Variants in ZNF385D observed in about 807,000 individuals in gnomAD.
ZNF385D encodes the protein zinc finger protein 385D.
A neutral mutation model predicts 35.8 loss-of-function variants in ZNF385D; 15 were observed. That is an observed-to-expected ratio of 0.42 (90% CI 0.28 to 0.64). The LOEUF (loss-of-function observed/expected upper bound fraction) is 0.64. ZNF385D is among the 30% of genes least tolerant of loss of function. The probability of loss-of-function intolerance (pLI) is 0.23; values close to 1 mark genes in which losing one functional copy is unlikely to be tolerated. For synonymous variants in ZNF385D, 212 were observed against 186.8 expected (o/e 1.13, Z -1.10); for missense variants, 474 against 494.6 (o/e 0.96, Z 0.39).
intron 3 of ZNF385D, among the ~76,000 whole-genome samples, chr3:22,090,263 A>G (rs1426793208): frequency 6.6e-6 from 1 of 152,172 alleles, no homozygotes; most frequent in African/African-American, 2.4e-5. Flanking sequence ...ATTTATTCCT[A>G]TGCTTCATTG....
At chr3:21,763,303 GTTC>G (rs1287844559) in intron 3 of ZNF385D, among the ~76,000 whole-genome samples, 1 of 152,070 alleles carries the variant, frequency 6.6e-6, no homozygotes, top group Non-Finnish European at 1.5e-5. Flanking sequence ...CAATCATGAT[GTTC>G]TTCTCTTTCT....
At chr3:21,902,404 C>T (rs1699457168) in intron 3 of ZNF385D, among the ~76,000 whole-genome samples, 1 of 152,044 alleles carries the variant, frequency 6.6e-6, no homozygotes. Flanking sequence ...AGAGATCGAT[C>T]CAGAGGGATG....
intron 2 of ZNF385D, among the ~76,000 whole-genome samples, chr3:22,308,939 A>AT (rs1055525853): frequency 2.0e-5 from 3 of 151,994 alleles, no homozygotes; most frequent in Admixed American, 6.6e-5. Flanking sequence ...TAATTTAGGA[A>AT]TTTTTTTCTA....
rs111369677 is a variant in ZNF385D at position 21,728,279 on chromosome 3, T to TATAATAATAATA, written c.22+22604_22+22615dup. 3.2e-3 allele frequency among the ~76,000 whole-genome samples: 470 copies of TATAATAATAATA among 144,866 alleles called. 2 individuals carry two copies. The highest frequency in any genetic ancestry group is 9.0e-3 in the African/African-American group (356 of 39,384). ...TGCCCATGTATCCCAGAACTTAAAG[T>TATAATAATAATA]ATAATAATAATAATAATAATAATAA... On this transcript the variant is annotated intron_variant, in intron 1 of 7. Coordinates refer to ENST00000281523, the MANE Select transcript of ZNF385D (RefSeq NM_024697.3).
At position 21,808,662 on chromosome 3, in the gene ZNF385D, C is replaced by A. The variant is rs1290289678; in HGVS notation, c.326-143634G>T. Among the ~76,000 whole-genome samples the A allele has an allele frequency of 2.6e-5, 4 of 152,188 alleles. No homozygotes were observed. The East Asian group carries it at 7.7e-4, about 29-fold the overall frequency. ...CCGGAAGGTAATGACAGCAAAGGGGCAAATCACCTCTTTTCCCAACTAGAG... is the reference window on the plus strand; with the variant it reads ...CCGGAAGGTAATGACAGCAAAGGGGAAAATCACCTCTTTTCCCAACTAGAG... On this transcript the variant is annotated intron_variant, in intron 3 of 5. Transcript: ENST00000494108.
chr3:22,121,951 G>C (rs1325885942), intron 3 of ZNF385D, among the ~76,000 whole-genome samples: 1 of 152,010 alleles, frequency 6.6e-6, no homozygotes, highest in African/African-American at 2.4e-5. Flanking sequence ...ATCAAGTCTG[G>C]AGACCCAGCT....
At chr3:21,887,948 C>A (rs1698635487) in intron 3 of ZNF385D, among the ~76,000 whole-genome samples, 1 of 152,034 alleles carries the variant, frequency 6.6e-6, no homozygotes, top group Admixed American at 6.6e-5. Context: ...AATATTAATA[C>A]TTTGTAAAAT....
intron 3 of ZNF385D, among the ~76,000 whole-genome samples, chr3:22,046,242 T>C (rs764067874): frequency 6.0e-5 from 9 of 149,902 alleles, no homozygotes; most frequent in Non-Finnish European, 1.2e-4. Flanking sequence ...TTTTGTAGAT[T>C]AGATAAACTT....
chr3:21,788,678 C>A (rs536313984), intron 3 of ZNF385D, among the ~76,000 whole-genome samples: 1 of 152,068 alleles, frequency 6.6e-6, no homozygotes, highest in African/African-American at 2.4e-5. Context: ...ATTTTTGATT[C>A]GGGGGCATAT....
rs542111388 is a variant in ZNF385D at position 22,010,020 on chromosome 3, A to G, written c.325+158797T>C. 3.9e-5 allele frequency among the ~76,000 whole-genome samples: 6 copies of G among 152,288 alleles called. No individual in the cohort carries two copies. In the South Asian group the frequency reaches 1.0e-3, roughly 26 times the overall value. ...AGGAAATTGAGGAAAACAGGTAAAC[A>G]CAGTCACTTCTGAACTGTTATCAAA... On this transcript the variant is annotated intron_variant, in intron 3 of 5. Coordinates refer to the ZNF385D transcript ENST00000494108.
intron 3 of ZNF385D, among the ~76,000 whole-genome samples, chr3:21,778,016 A>C (rs940745510): frequency 6.6e-6 from 1 of 151,938 alleles, no homozygotes; most frequent in Non-Finnish European, 1.5e-5. Context: ...AGTAATAGAC[A>C]TAATAAGTAA....
At chr3:21,672,483 T>C (rs1382135505) in intron 1 of ZNF385D, among the ~76,000 whole-genome samples, 2 of 152,090 alleles carry the variant, frequency 1.3e-5, no homozygotes, top group African/African-American at 4.8e-5. Flanking sequence ...TCATACATCC[T>C]GCTTATGACC....
intron 3 of ZNF385D, among the ~76,000 whole-genome samples, chr3:21,969,735 T>C (rs916342941): frequency 6.6e-6 from 1 of 152,138 alleles, no homozygotes; most frequent in Non-Finnish European, 1.5e-5. Flanking sequence ...GTAGTCACCA[T>C]AGGCCTTGGG....
At chr3:22,124,300 G>C (rs1394743287) in intron 3 of ZNF385D, among the ~76,000 whole-genome samples, 1 of 152,030 alleles carries the variant, frequency 6.6e-6, no homozygotes, top group African/African-American at 2.4e-5. Flanking sequence ...TTGTGTATAA[G>C]TACCGCATTT....
chr3:21,445,055 C>T lies in ZNF385D; in HGVS notation c.440-7852G>A, dbSNP rs543952691. On this transcript the variant is annotated intron_variant, in intron 4 of 7. Transcript: ENST00000281523. ...AGCACAGAGTCTTGACACGAATTGT[C>T]CAGTCCCCTGAGGAGATAAGTAGGA... Among the ~76,000 whole-genome samples the T allele has an allele frequency of 4.6e-5, 7 of 152,304 alleles. No homozygotes were observed. The South Asian group carries it at 1.5e-3, about 32-fold the overall frequency.
intron 3 of ZNF385D, among the ~76,000 whole-genome samples, chr3:21,847,188 A>T (rs1389070610): frequency 6.6e-6 from 1 of 151,824 alleles, no homozygotes; most frequent in Non-Finnish European, 1.5e-5. Flanking sequence ...GATGAGTCAT[A>T]TATTTTATGA....
chr3:22,006,185 A>C (rs1014797010), intron 3 of ZNF385D, among the ~76,000 whole-genome samples: 1 of 152,090 alleles, frequency 6.6e-6, no homozygotes, highest in Admixed American at 6.5e-5. Flanking sequence ...TTTTAGATAA[A>C]CCTATGCAGA....
chr3:21,911,895 T>C (rs777135562), intron 3 of ZNF385D, among the ~76,000 whole-genome samples: 2 of 151,870 alleles, frequency 1.3e-5, no homozygotes, highest in African/African-American at 2.4e-5. Context: ...CTAGAAGTCA[T>C]AGAAGATAAT....
At chr3:21,988,633 C>T (rs546742476) in intron 3 of ZNF385D, among the ~76,000 whole-genome samples, 56 of 151,214 alleles carry the variant, frequency 3.7e-4, no homozygotes, top group African/African-American at 9.9e-4. Flanking sequence ...TTTGTCTGTG[C>T]CCTGCCCGCA....
Sources: allele counts gnomAD v4.1 joint callset (sites outside exome capture counted in the v4.1 genomes callset), GRCh38; gene constraint gnomAD v4.1.1; transcripts MANE v1.5; gene names NCBI Gene and HGNC (gene_info 2026-07-23, HGNC 2026-07-21).